RAD51B: variants seen among roughly 807,000 people sequenced by gnomAD.
The protein encoded by RAD51B is DNA repair protein RAD51 homolog 2.
RAD51B carries 38 observed loss-of-function variants against 42.2 expected under a neutral mutation model. That is an observed-to-expected ratio of 0.90 (90% CI 0.70 to 1.18). RAD51B has a LOEUF of 1.18. Ranked by LOEUF, RAD51B falls within the 50% of genes most tolerant of loss-of-function variation. The probability of loss-of-function intolerance (pLI) is 0.00; values close to 1 mark genes in which losing one functional copy is unlikely to be tolerated. For synonymous variants in RAD51B, 154 were observed against 145.2 expected, an observed-to-expected ratio of 1.06 and a Z score of -0.43; for missense variants, 373 against 400.7, an observed-to-expected ratio of 0.93 and a Z score of 0.59.
At chr14:67,840,474 A>G (rs1295616371) in intron 4 of RAD51B, among the ~76,000 whole-genome samples, 1 of 152,092 alleles carries the variant, frequency 6.6e-6, no homozygotes, top group Non-Finnish European at 1.5e-5. Flanking sequence ...TGTTCTTTTT[A>G]TGGCTGTGTA....
intron 9 of RAD51B, among the ~76,000 whole-genome samples, chr14:68,466,278 T>C (rs1311479305): frequency 6.6e-6 from 1 of 152,230 alleles, no homozygotes; most frequent in Non-Finnish European, 1.5e-5. Context: ...TCCTATTATT[T>C]ATTGTGAACT....
At chr14:67,911,102 G>T (rs1258017618) in intron 7 of RAD51B, among the ~76,000 whole-genome samples, 2 of 152,178 alleles carry the variant, frequency 1.3e-5, no homozygotes, top group African/African-American at 4.8e-5. Context: ...ACAGATGTGA[G>T]CCACCGTGCC....
chr14:68,019,543 A>G lies in RAD51B; in HGVS notation c.756+132339A>G, dbSNP rs1487481803. Among the ~76,000 whole-genome samples the G allele has an allele frequency of 2.6e-5, 4 of 151,928 alleles. No homozygotes were observed. The East Asian group carries it at 7.7e-4, about 29-fold the overall frequency. The stretch of plus-strand genomic sequence containing the variant: ...GTAGATTTTTTTCAAGCAAATTTCC[A>G]TTGCAAATACAGTATTTATGAGATG... On this transcript the variant is annotated intron_variant, in intron 7 of 10. Coordinates refer to ENST00000471583, the MANE Select transcript of RAD51B (RefSeq NM_133510.4).
intron 7 of RAD51B, among the ~76,000 whole-genome samples, chr14:68,135,912 A>G (rs966528081): frequency 1.3e-5 from 2 of 152,208 alleles, no homozygotes; most frequent in Admixed American, 6.5e-5. Context: ...CGTTCACCAT[A>G]TTCTATAAAA....
intron 7 of RAD51B, chr14:68,113,768 G>C (rs1419162467): frequency 1.3e-5 from 2 of 152,042 alleles, no homozygotes; most frequent in African/African-American, 4.8e-5. Flanking sequence ...TCACTGCATT[G>C]ATAGGCTTTA....
chr14:68,669,044 A>G (rs1273264559), intron 11 of RAD51B, among the ~76,000 whole-genome samples: 1 of 152,236 alleles, frequency 6.6e-6, no homozygotes, highest in South Asian at 2.1e-4. Context: ...GAGTCCAGAA[A>G]GAGTCTTACC....
intron 7 of RAD51B, among the ~76,000 whole-genome samples, chr14:68,156,779 G>A (rs1448640968): frequency 6.6e-6 from 1 of 151,930 alleles, no homozygotes; most frequent in Non-Finnish European, 1.5e-5. Context: ...GGAAACCTTG[G>A]TAAATTTTTT....
At chr14:68,613,240 A>G (rs1317923297), downstream of RAD51B, among the ~76,000 whole-genome samples, 1 of 151,868 alleles carries the variant, frequency 6.6e-6, no homozygotes, top group Non-Finnish European at 1.5e-5. Context: ...ACATGGTGAA[A>G]CCCTGTCTAT....
At chr14:68,648,110 C>CAT (rs1892614251) in intron 10 of RAD51B, among the ~76,000 whole-genome samples, 1 of 13,732 alleles carries the variant, frequency 7.3e-5, no homozygotes, top group Admixed American at 1.1e-3. Context: ...TATATACACA[C>CAT]ACGTATATAT....
At chr14:67,888,597 A>AAT (rs1341722685) in intron 7 of RAD51B, among the ~76,000 whole-genome samples, 6 of 151,718 alleles carry the variant, frequency 4.0e-5, no homozygotes, top group African/African-American at 4.8e-5. Context: ...TCTCTCTAAA[A>AAT]ATATATATAT....
chr14:68,485,939 T>A (rs1883590320), intron 10 of RAD51B, among the ~76,000 whole-genome samples: 1 of 152,232 alleles, frequency 6.6e-6, no homozygotes, highest in Non-Finnish European at 1.5e-5. Flanking sequence ...TTATATGAAT[T>A]CATGCATCAA....
intron 7 of RAD51B, among the ~76,000 whole-genome samples, chr14:68,219,263 C>T (rs892413736): frequency 2.6e-5 from 4 of 152,176 alleles, no homozygotes; most frequent in African/African-American, 9.7e-5. Flanking sequence ...ATTATTTTAA[C>T]ATTAACTTGG....
At chr14:67,901,960 C>G (rs1161532782) in intron 7 of RAD51B, among the ~76,000 whole-genome samples, 2 of 152,044 alleles carry the variant, frequency 1.3e-5, no homozygotes, top group Admixed American at 1.3e-4. Context: ...GTATGTTATT[C>G]CAGTGATGGA....
At chr14:68,624,692 C>A (rs568034901) in intron 10 of RAD51B, among the ~76,000 whole-genome samples, 1 of 152,094 alleles carries the variant, frequency 6.6e-6, no homozygotes, top group African/African-American at 2.4e-5. Flanking sequence ...TCAGCGCATG[C>A]GTGGGCAGTT....
chr14:67,860,130 A>C (rs1348776214), intron 4 of RAD51B, among the ~76,000 whole-genome samples: 1 of 152,004 alleles, frequency 6.6e-6, no homozygotes, highest in African/African-American at 2.4e-5. Flanking sequence ...CCTTAAATGA[A>C]CTCTTTCATG....
chr14:67,943,901 T>C (rs901155064), intron 7 of RAD51B, among the ~76,000 whole-genome samples: 1 of 152,160 alleles, frequency 6.6e-6, no homozygotes, highest in Non-Finnish European at 1.5e-5. Flanking sequence ...GATATAGATA[T>C]AGATATAGGT....
intron 7 of RAD51B, among the ~76,000 whole-genome samples, chr14:68,075,786 A>G (rs1276055561): frequency 6.6e-6 from 1 of 152,200 alleles, no homozygotes; most frequent in South Asian, 2.1e-4. Flanking sequence ...GAGGGCTCAC[A>G]GGGAAGGGAG....
chr14:68,158,840 T>C (rs1461797562), intron 7 of RAD51B, among the ~76,000 whole-genome samples: 1 of 152,208 alleles, frequency 6.6e-6, no homozygotes, highest in African/African-American at 2.4e-5. Context: ...ATTGGCCACA[T>C]AGAGGTGCTG....
intron 7 of RAD51B, among the ~76,000 whole-genome samples, chr14:67,930,510 A>T (rs763011704): frequency 2.6e-5 from 4 of 152,052 alleles, no homozygotes; most frequent in Non-Finnish European, 4.4e-5. Flanking sequence ...TGGCACTTTG[A>T]ATATATAACC....
Sources: gnomAD v4.1 joint callset for allele counts (sites outside exome capture counted in the v4.1 genomes callset) on GRCh38, gnomAD v4.1.1 for gene constraint, MANE v1.5 for transcripts, NCBI Gene and HGNC (gene_info 2026-07-23, HGNC 2026-07-21) for gene names.